The following CDH13 variants were observed in gnomAD, a reference collection of about 807,000 sequenced individuals.
CDH13 encodes cadherin-13.
Under a neutral mutation model 63.8 loss-of-function variants are expected in CDH13, and 24 were observed. That is an observed-to-expected ratio of 0.38 (90% CI 0.27 to 0.53). The LOEUF (loss-of-function observed/expected upper bound fraction) is 0.53, where lower values mean the gene tolerates loss of function less well. Among genes scored for constraint, CDH13 ranks in the 20% least tolerant of loss-of-function variants. The pLI is 0.85. For missense variants in CDH13, 1,049 were observed against 903.1 expected (o/e 1.16, Z -2.07); for synonymous variants, 503 against 355.3 (o/e 1.42, Z -4.67).
At chr16:83,601,843 C>A (rs1907824329) in intron 7 of CDH13, among the ~76,000 whole-genome samples, 1 of 151,862 alleles carries the variant, frequency 6.6e-6, no homozygotes, top group Admixed American at 6.6e-5. Context: ...ACCTGTAATC[C>A]CAGCACTTTG....
chr16:83,342,737 A>G (rs940044110), intron 5 of CDH13, among the ~76,000 whole-genome samples: 8 of 151,608 alleles, frequency 5.3e-5, no homozygotes, highest in African/African-American at 1.9e-4. Context: ...CTGATTACCT[A>G]TCCTACTTGT....
At chr16:82,806,026 C>T (rs1039723552) in intron 1 of CDH13, among the ~76,000 whole-genome samples, 1 of 152,158 alleles carries the variant, frequency 6.6e-6, no homozygotes, top group Non-Finnish European at 1.5e-5. Context: ...AGGCACATGG[C>T]AGGTGGGAGG....
chr16:83,737,047 A>G (rs1911605133), intron 10 of CDH13, among the ~76,000 whole-genome samples: 1 of 152,194 alleles, frequency 6.6e-6, no homozygotes, highest in South Asian at 2.1e-4. Context: ...GAGAGTCCGC[A>G]GAAAAGGGTG....
chr16:82,920,417 G>C (rs989554172), intron 2 of CDH13, among the ~76,000 whole-genome samples: 9 of 152,108 alleles, frequency 5.9e-5, no homozygotes, highest in Admixed American at 5.9e-4. Context: ...AATGAATATG[G>C]GTCCTGTGCT....
intron 6 of CDH13, among the ~76,000 whole-genome samples, chr16:83,394,450 G>A (rs1393433785): frequency 6.6e-6 from 1 of 152,152 alleles, no homozygotes; most frequent in Admixed American, 6.5e-5. Context: ...AAGTCCCTGA[G>A]GCAGGCACAC....
chr16:82,961,097 T>A (rs1036697585), intron 2 of CDH13, among the ~76,000 whole-genome samples: 2 of 152,104 alleles, frequency 1.3e-5, no homozygotes, highest in African/African-American at 4.8e-5. Context: ...TGCCACTGCC[T>A]CCCCACACCC....
At chr16:83,120,528 A>T (rs1416810742) in intron 3 of CDH13, among the ~76,000 whole-genome samples, 1 of 152,210 alleles carries the variant, frequency 6.6e-6, no homozygotes, top group African/African-American at 2.4e-5. Flanking sequence ...TTGCTCTAGG[A>T]TGAAGCCCAT....
rs1398805278 is a variant in CDH13 at position 82,797,222 on chromosome 16, GCTGTACACT to G, written c.46-61139_46-61131del. Among the ~76,000 whole-genome samples, 17 of 152,296 alleles carry G rather than the reference GCTGTACACT, an allele frequency of 1.1e-4. 1 individual carries two copies. In the East Asian group the frequency reaches 1.9e-3, roughly 17 times the overall value. On this transcript the variant is annotated intron_variant, in intron 1 of 13. Coordinates refer to ENST00000567109, the MANE Select transcript of CDH13 (RefSeq NM_001257.5). ...TTTCAGTTGCTTCTGAATACGGTTT[GCTGTACACT>G]GTGTGTTACCAGTGTGATTTGCTAT...
chr16:83,254,392 G>T (rs1905958139), intron 5 of CDH13, among the ~76,000 whole-genome samples: 2 of 152,178 alleles, frequency 1.3e-5, no homozygotes, highest in Non-Finnish European at 2.9e-5. Flanking sequence ...GAACCTGTTT[G>T]AGAAAGTTTC....
At chr16:83,664,715 G>A (rs371950656) in intron 8 of CDH13, among the ~76,000 whole-genome samples, 2 of 152,064 alleles carry the variant, frequency 1.3e-5, no homozygotes, top group South Asian at 2.1e-4. Flanking sequence ...ATATCCAATT[G>A]ATCTAGCACC....
chr16:83,548,266 G>A (rs1447393115), intron 7 of CDH13, among the ~76,000 whole-genome samples: 4 of 152,148 alleles, frequency 2.6e-5, no homozygotes, highest in Non-Finnish European at 5.9e-5. Flanking sequence ...TCCTAAACCA[G>A]GGACAGTTGT....
chr16:83,213,930 T>C (rs1404739100), intron 4 of CDH13, among the ~76,000 whole-genome samples: 4 of 152,046 alleles, frequency 2.6e-5, no homozygotes, highest in African/African-American at 9.7e-5. Flanking sequence ...AACGCACCAA[T>C]CTGCACTCTG....
At chr16:83,405,292 T>TGCCCC (rs2092025526) in intron 6 of CDH13, among the ~76,000 whole-genome samples, 1 of 152,200 alleles carries the variant, frequency 6.6e-6, no homozygotes, top group Non-Finnish European at 1.5e-5. Flanking sequence ...AAGTACTAAT[T>TGCCCC]CCTGGGGCCT....
chr16:83,380,394 C>G (rs932333998), intron 6 of CDH13, among the ~76,000 whole-genome samples: 1 of 151,986 alleles, frequency 6.6e-6, no homozygotes, highest in Non-Finnish European at 1.5e-5. Flanking sequence ...GACTGTCAGC[C>G]CATTCATTCT....
Position 83,232,965 on chromosome 16 carries a change from T to C in CDH13, c.636+15468T>C, listed in dbSNP as rs568152873. ...AAAATGTGTCACCCTGAAATGATGC[T>C]GATGTTGTCTGACCTAGAGATGAAC... On this transcript the variant is annotated intron_variant, in intron 5 of 13. Transcript: ENST00000567109. Among the ~76,000 whole-genome samples the C allele has an allele frequency of 1.0e-3, 155 of 152,310 alleles. 4 individuals are homozygous for C. In the South Asian group the frequency reaches 0.027, roughly 27 times the overall value.
chr16:83,547,211 C>A (rs924680292), intron 7 of CDH13, among the ~76,000 whole-genome samples: 2 of 152,152 alleles, frequency 1.3e-5, no homozygotes, highest in African/African-American at 4.8e-5. Context: ...GAAGGAAAGG[C>A]AAACAGGGCT....
At chr16:83,371,658 A>T (rs571317898) in intron 6 of CDH13, among the ~76,000 whole-genome samples, 1 of 152,242 alleles carries the variant, frequency 6.6e-6, no homozygotes, top group East Asian at 1.9e-4. Context: ...AATTTAAAGT[A>T]TATTGAAAGT....
At chr16:82,902,255 G>T (rs2041496256) in intron 2 of CDH13, among the ~76,000 whole-genome samples, 1 of 152,262 alleles carries the variant, frequency 6.6e-6, no homozygotes, top group South Asian at 2.1e-4. Context: ...TATGTTCTTA[G>T]GGTATTCCCC....
At chr16:82,992,094 T>C (rs953710814) in intron 2 of CDH13, among the ~76,000 whole-genome samples, 25 of 152,206 alleles carry the variant, frequency 1.6e-4, no homozygotes, top group South Asian at 6.2e-4. Context: ...ACGGCACTGA[T>C]TAACCTCATT....
Sources: allele counts gnomAD v4.1 joint callset (sites outside exome capture counted in the v4.1 genomes callset), GRCh38; gene constraint gnomAD v4.1.1; transcripts MANE v1.5; gene names NCBI Gene and HGNC (gene_info 2026-07-23, HGNC 2026-07-21).